The following SFXN1 variants were observed in gnomAD, a reference collection of about 807,000 sequenced individuals.
SFXN1 encodes the protein sideroflexin 1.
Under a neutral mutation model 39.5 loss-of-function variants are expected in SFXN1, and 32 were observed. That is an observed-to-expected ratio of 0.81 (90% CI 0.61 to 1.09). SFXN1 has a LOEUF of 1.09. Ranked by LOEUF, SFXN1 falls within the 50% of genes least tolerant of loss-of-function variation. The pLI, the probability that SFXN1 is intolerant of heterozygous loss-of-function variation, is 0.00. For synonymous variants in SFXN1, 136 were observed against 146.5 expected, an observed-to-expected ratio of 0.93 and a Z score of 0.52; for missense variants, 402 against 407.1, an observed-to-expected ratio of 0.99 and a Z score of 0.11.
chr5:175,511,841 A>ATC (rs146338435), intron 5 of SFXN1, among the ~76,000 whole-genome samples: 76 of 94,454 alleles, frequency 8.0e-4, no homozygotes, highest in East Asian at 1.9e-3. Context: ...AGGCAAGAGC[A>ATC]TCTCTCTCTC....
At chr5:175,493,258 T>TAA (rs761919267) in intron 2 of SFXN1, among the ~76,000 whole-genome samples, 1 of 140,900 alleles carries the variant, frequency 7.1e-6, no homozygotes. Context: ...AAACTCCATC[T>TAA]AAAAAAAAAA....
intron 2 of SFXN1, among the ~76,000 whole-genome samples, chr5:175,502,952 A>G (rs752258185): frequency 7.9e-5 from 12 of 152,232 alleles, no homozygotes; most frequent in Non-Finnish European, 1.8e-4. Flanking sequence ...GTGTTATGCA[A>G]AGTCAAAGAG....
intron 8 of SFXN1, among the ~76,000 whole-genome samples, chr5:175,521,228 GACCA>G (rs1760869255): frequency 7.0e-6 from 1 of 143,042 alleles, no homozygotes; most frequent in African/African-American, 2.6e-5. Context: ...TTCTCCAGAA[GACCA>G]ACCAACTTGT....
Position 175,508,891 on chromosome 5 carries a change from TC to T in SFXN1, c.165-138del, listed in dbSNP as rs367665420. On this transcript the variant is annotated intron_variant, in intron 2 of 10. Coordinates refer to ENST00000321442, the MANE Select transcript of SFXN1 (RefSeq NM_022754.7). ...ACCTTGTGATCCACCTGCCTCAGCC[TC>T]CCAAAGTGCTGGGATTACAGACGTA... The T allele has an allele frequency of 8.3e-3, 5,496 of 658,798 alleles. 47 individuals are homozygous for T. Among genetic ancestry groups the T allele is most frequent in the Non-Finnish European group, 0.012 (4,773 of 408,266 alleles). 40.8% of individuals were successfully genotyped at this position (658,798 alleles called of 1,614,324 possible).
Position 175,521,962 on chromosome 5 carries a change from G to A in SFXN1, c.818G>A (p.Gly273Asp). The A allele has an allele frequency of 6.2e-7, 1 of 1,601,016 alleles. No individual in the cohort carries two copies. The highest frequency in any genetic ancestry group is 8.5e-7 in the Non-Finnish European group (1 of 1,171,330). The change falls in exon 9 of 11, where the codon GGC becomes GAC. Residue 273 changes from glycine to aspartate, a missense_variant. Physicochemically the swap from Gly to Asp is moderately conservative, Grantham distance 94. Transcript: ENST00000321442. Reference sequence around the variant, plus strand: ...GCACCCATTCAAGTTGGGTTAGTTGGCTTCTGGTGAGTAGAAATTACTTTT... The same window carrying A: ...GCACCCATTCAAGTTGGGTTAGTTGACTTCTGGTGAGTAGAAATTACTTTT... ...MSAPIQVGLV[G>D]FCLVFATPLC...
rs778196355 is a variant in SFXN1 at position 175,516,614 on chromosome 5, C to T, written c.725C>T (p.Ala242Val). The T allele has an allele frequency of 9.9e-6, 16 of 1,610,080 alleles. No individual in the cohort carries two copies. Among genetic ancestry groups the T allele is most frequent in the Non-Finnish European group, 1.2e-5 (14 of 1,178,570 alleles). ...TAAGTGGATCTATCTTTATTTCCAG[C>T]CATCCCTCCATTCATTATGAACACT... ...SRILMAAPGM[A>V]IPPFIMNTLE... The change falls in exon 8 of 11, where the codon GCC becomes GTC. Residue 242 changes from alanine (A) to valine (V), a missense_variant and splice_region_variant. Ala to Val is a moderately conservative substitution (Grantham distance 64). Transcript: ENST00000321442.
intron 3 of SFXN1, among the ~76,000 whole-genome samples, chr5:175,509,760 A>C (rs1301359433): frequency 6.6e-6 from 1 of 152,218 alleles, no homozygotes; most frequent in Non-Finnish European, 1.5e-5. Context: ...AAGTGCTGTT[A>C]GGAGGGCCCA....
rs781741951 is a variant in SFXN1 at position 175,510,162 on chromosome 5, T to C, written c.389T>C (p.Val130Ala). The C allele has an allele frequency of 6.2e-7, 1 of 1,613,458 alleles. No homozygotes were observed. The highest frequency in any genetic ancestry group is 2.2e-5 in the East Asian group (1 of 44,874). ...TGGATTAACCAGTCCTTCAATGCCG[T>C]CGTCAATTACACCAACAGAAGTGGA... ...WQWINQSFNA[V>A]VNYTNRSGDA... is the part of the protein sequence containing the mutation. Residue 130 changes from valine (V) to alanine (A), a missense_variant, in exon 4 of 11, where the codon GTC becomes GCC. By Grantham distance (64) the Val-to-Ala change is moderately conservative. Coordinates refer to ENST00000321442, the MANE Select transcript of SFXN1 (RefSeq NM_022754.7).
chr5:175,510,299 G>C, intron 4 of SFXN1, 92 bp downstream of exon 4: 1 of 1,023,470 alleles, frequency 9.8e-7, no homozygotes, highest in Non-Finnish European at 1.5e-6. Context: ...GCCTATGTGT[G>C]CATATTTTTA....
intron 1 of SFXN1, among the ~76,000 whole-genome samples, chr5:175,484,668 C>T (rs977296104): frequency 5.3e-5 from 8 of 152,378 alleles, no homozygotes; most frequent in East Asian, 3.9e-4. Flanking sequence ...CGCGTCTCGG[C>T]GCATCCTCCT....
intron 10 of SFXN1, chr5:175,523,608 C>T (rs1038225012): frequency 6.6e-6 from 1 of 152,020 alleles, no homozygotes; most frequent in Non-Finnish European, 1.5e-5. Context: ...ATTTGAAAAC[C>T]CATAGAGAAA....
At chr5:175,503,930 G>C (rs768782952) in intron 2 of SFXN1, among the ~76,000 whole-genome samples, 1 of 111,080 alleles carries the variant, frequency 9.0e-6, no homozygotes, top group African/African-American at 3.8e-5. Flanking sequence ...CTTGAACCTG[G>C]GAGGTAGAGG....
intron 3 of SFXN1, 151 bp downstream of exon 3, chr5:175,509,353 A>C (rs1314385730): frequency 1.1e-5 from 7 of 624,150 alleles, no homozygotes; most frequent in Admixed American, 3.6e-5. Context: ...TCATTCCGTA[A>C]TGTACTTATG....
intron 2 of SFXN1, among the ~76,000 whole-genome samples, chr5:175,501,895 T>G (rs1340232098): frequency 1.3e-5 from 2 of 152,184 alleles, no homozygotes; most frequent in Non-Finnish European, 2.9e-5. Context: ...AAAGAGGAAT[T>G]CATGCAGAGC....
intron 3 of SFXN1, chr5:175,509,461 AAAG>A (rs1760435773): frequency 7.9e-6 from 2 of 254,540 alleles, no homozygotes; most frequent in African/African-American, 2.2e-5. Context: ...ATGTAAAAGA[AAAG>A]AAGTCATTTC....
intron 1 of SFXN1, among the ~76,000 whole-genome samples, chr5:175,490,656 C>T (rs1440689585): frequency 1.3e-5 from 2 of 152,142 alleles, no homozygotes; most frequent in Non-Finnish European, 2.9e-5. Context: ...CTTTATAGTG[C>T]TTAAAATCCT....
intron 7 of SFXN1, among the ~76,000 whole-genome samples, chr5:175,515,609 A>G (rs1760688884): frequency 6.6e-6 from 1 of 152,118 alleles, no homozygotes; most frequent in South Asian, 2.1e-4. Flanking sequence ...TTTTATAGAA[A>G]AAGAAAACAG....
At chr5:175,508,222 ATTTTTTTTTTTTTTT>A in intron 2 of SFXN1, among the ~76,000 whole-genome samples, 1 of 63,908 alleles carries the variant, frequency 1.6e-5, no homozygotes, top group South Asian at 8.2e-4. Context: ...AATAGATTTG[ATTTTTTTTTTTTTTT>A]TTTTTTTTTT....
At chr5:175,513,991 C>CA (rs1471999920) in intron 7 of SFXN1, among the ~76,000 whole-genome samples, 4 of 152,032 alleles carry the variant, frequency 2.6e-5, no homozygotes, top group Non-Finnish European at 5.9e-5. Flanking sequence ...CCACAGACGG[C>CA]AGAGCGTGGA....
Sources: gnomAD v4.1 joint callset for allele counts (sites outside exome capture counted in the v4.1 genomes callset) on GRCh38, gnomAD v4.1.1 for gene constraint, MANE v1.5 for transcripts, NCBI Gene and HGNC (gene_info 2026-07-23, HGNC 2026-07-21) for gene names.